Variants in KHK observed in about 807,000 individuals in gnomAD.
KHK encodes ketohexokinase.
Under a neutral mutation model 36.0 loss-of-function variants are expected in KHK, and 37 were observed. The ratio of observed to expected loss-of-function variants is 1.03; its 90% CI spans 0.79 to 1.35. KHK has a LOEUF of 1.35. Among genes scored for constraint, KHK ranks in the 40% most tolerant of loss-of-function variants. KHK has a pLI of 0.00. For synonymous variants in KHK, 161 were observed against 162.8 expected (o/e 0.99, Z 0.08); for missense variants, 395 against 391.9 (o/e 1.01, Z -0.07).
chr2:27,096,065 C>T (rs933696603), intron 3 of KHK, among the ~76,000 whole-genome samples: 2 of 152,200 alleles, frequency 1.3e-5, no homozygotes, highest in African/African-American at 4.8e-5. Context: ...CTCCCAAAGG[C>T]CCGGGCAGAT....
intron 3 of KHK, among the ~76,000 whole-genome samples, chr2:27,096,467 C>T (rs1670356494): frequency 6.6e-6 from 1 of 152,312 alleles, no homozygotes; most frequent in South Asian, 2.1e-4. Context: ...CCAAGGCACA[C>T]AGACCTTGCC....
At chr2:27,087,486 C>A in intron 1 of KHK, 135 bp downstream of exon 1, 1 of 602,730 alleles carries the variant, frequency 1.7e-6, no homozygotes, top group Non-Finnish European at 2.9e-6. Flanking sequence ...CGCCCTCTAC[C>A]CGGGAATCCT....
rs183829513 is a variant in KHK at position 27,094,750 on chromosome 2, C to A, written c.210-50C>A. 474 of 1,613,930 alleles carry A rather than the reference C, an allele frequency of 2.9e-4. No individual in the cohort carries two copies. In the African/African-American group the frequency reaches 5.5e-3, roughly 19 times the overall value. Reference sequence around the variant, plus strand: ...TTTGGAGGTCCAGACCACTTCCAGGCTCTAATCTGTGTCTCCTTGCCCTTT... The same window carrying A: ...TTTGGAGGTCCAGACCACTTCCAGGATCTAATCTGTGTCTCCTTGCCCTTT... On this transcript the variant is annotated intron_variant, in intron 2 of 7. Transcript: ENST00000260598.
chr2:27,097,023 G>A (rs1390848843), intron 4 of KHK, among the ~76,000 whole-genome samples: 1 of 152,230 alleles, frequency 6.6e-6, no homozygotes, highest in Admixed American at 6.5e-5. Context: ...AAGCACAGCT[G>A]GCTCCAGGCA....
At position 27,092,318 on chromosome 2, in the gene KHK, C is replaced by G; in HGVS notation, c.93-14C>G. 1 of 1,603,540 alleles carries G rather than the reference C, an allele frequency of 6.2e-7. No homozygotes were observed. Among genetic ancestry groups the G allele is most frequent in the Non-Finnish European group, 8.5e-7 (1 of 1,172,456 alleles). On this transcript the variant is annotated splice_polypyrimidine_tract_variant and intron_variant, in intron 1 of 7. Transcript: ENST00000260598. The stretch of plus-strand genomic sequence containing the variant: ...GCCTGCTGGGGCTGCAGGGACCCTC[C>G]CTGTGCTTTGCAGGTGTTTGTCCCA...
intron 5 of KHK, among the ~76,000 whole-genome samples, chr2:27,098,081 G>C (rs1164368279): frequency 1.3e-5 from 2 of 152,172 alleles, no homozygotes; most frequent in African/African-American, 4.8e-5. Context: ...GTGGGAAGGA[G>C]ACTTGCATGA....
chr2:27,092,408 T>A lies in KHK; in HGVS notation c.169T>A (p.Cys57Ser). 1 of 1,613,562 alleles carries A rather than the reference T, an allele frequency of 6.2e-7. No homozygotes were observed. Among genetic ancestry groups the A allele is most frequent in the Non-Finnish European group, 8.5e-7 (1 of 1,179,966 alleles). ...CGTTCTCTCCCTGCTCGGAGCCCCCTGTGCCTTCATGGGCTCAATGGCTCC... is the reference window on the plus strand; with the variant it reads ...CGTTCTCTCCCTGCTCGGAGCCCCCAGTGCCTTCATGGGCTCAATGGCTCC... ...CTVLSLLGAP[C>S]AFMGSMAPGH... The change falls in exon 2 of 8, where the codon TGT (cysteine) becomes AGT (serine). Residue 57 changes from cysteine (C) to serine (S), a missense_variant. Coordinates refer to ENST00000260598, the MANE Select transcript of KHK (RefSeq NM_006488.3).
intron 1 of KHK, among the ~76,000 whole-genome samples, chr2:27,088,732 C>G (rs543962839): frequency 6.6e-6 from 1 of 152,256 alleles, no homozygotes; most frequent in East Asian, 1.9e-4. Flanking sequence ...CTTATTGGTT[C>G]TTGTATTTCC....
chr2:27,098,724 A>T (rs1670569681), intron 5 of KHK, among the ~76,000 whole-genome samples: 1 of 152,210 alleles, frequency 6.6e-6, no homozygotes, highest in Non-Finnish European at 1.5e-5. Context: ...TAGAGGACAT[A>T]GTTGTGGGAA....
chr2:27,090,343 T>C (rs1426364266), intron 1 of KHK, among the ~76,000 whole-genome samples: 1 of 152,228 alleles, frequency 6.6e-6, no homozygotes, highest in Non-Finnish European at 1.5e-5. Context: ...CCTTAACTAT[T>C]GATCAAGTCA....
rs1196496690 is a variant in KHK at position 27,100,464 on chromosome 2, A to T, written c.*714A>T. 1.5e-6 allele frequency: 2 copies of T among 1,290,900 alleles called. No homozygotes were observed. The highest frequency in any genetic ancestry group is 1.0e-6 in the Non-Finnish European group (1 of 988,866). 80.0% of individuals were successfully genotyped at this position (1,290,900 alleles called of 1,614,324 possible). A position where few individuals can be genotyped will look rare whatever the true frequency, so the allele number is the denominator to read the frequency against. ...GCCACAAATGTGACCCAGGATACAG[A>T]GTGTTGCTGTCCTCAGGGAGGTCCG... On this transcript the variant is annotated 3_prime_UTR_variant, in exon 8 of 8. Transcript: ENST00000260598.
intron 1 of KHK, chr2:27,088,099 C>CTTTTTTT (rs1157197145): frequency 2.7e-5 from 2 of 74,586 alleles, no homozygotes; most frequent in South Asian, 4.6e-4. Flanking sequence ...GTTGTTGGTT[C>CTTTTTTT]TTTTTTTTTT....
intron 2 of KHK, chr2:27,094,519 C>A (rs1288854905): frequency 3.1e-6 from 5 of 1,614,094 alleles, no homozygotes; most frequent in Non-Finnish European, 4.2e-6. Flanking sequence ...TGGACCTACG[C>A]TACACAGTCT....
chr2:27,097,450 G>C (rs1423248959), intron 4 of KHK, 53 bp from the exon 5 acceptor site: 3 of 1,609,616 alleles, frequency 1.9e-6, no homozygotes, highest in Non-Finnish European at 2.5e-6. Context: ...GAAGAATGAG[G>C]CAGATTGGCC....
Position 27,100,150 on chromosome 2 carries a change from G to A in KHK, c.*400G>A. The stretch of plus-strand genomic sequence containing the variant: ...TTGCCACCAGCTCTGCCCTGGCTGG[G>A]GAGGACACTCGGTGCCCCACACCCA... On this transcript the variant is annotated 3_prime_UTR_variant, in exon 8 of 8. Transcript: ENST00000260598. 1.9e-6 allele frequency: 1 copy of A among 514,538 alleles called. No homozygotes were observed. 31.9% of individuals were successfully genotyped at this position (514,538 alleles called of 1,614,324 possible).
chr2:27,088,601 A>T (rs747295651), intron 1 of KHK, among the ~76,000 whole-genome samples: 1 of 151,574 alleles, frequency 6.6e-6, no homozygotes, highest in African/African-American at 2.4e-5. Flanking sequence ...TTTTGTAGAG[A>T]CAGGGCTTTT....
rs1280055433 is a variant in KHK at position 27,100,438 on chromosome 2, A to G, written c.*688A>G. 3.9e-6 allele frequency: 5 copies of G among 1,291,016 alleles called. No homozygotes were observed. Among genetic ancestry groups the G allele is most frequent in the Non-Finnish European group, 5.1e-6 (5 of 988,866 alleles). The allele number at this position is 1,291,016 out of a possible 1,614,324, so 80.0% of individuals were successfully genotyped here. The stretch of plus-strand genomic sequence containing the variant: ...CACCTTGGAATTAAGGGCGTGCCTC[A>G]GCCACAAATGTGACCCAGGATACAG... On this transcript the variant is annotated 3_prime_UTR_variant, in exon 8 of 8. Transcript: ENST00000260598.
intron 1 of KHK, among the ~76,000 whole-genome samples, chr2:27,091,795 G>A (rs1399092834): frequency 2.0e-5 from 3 of 152,302 alleles, no homozygotes; most frequent in East Asian, 3.9e-4. Context: ...CTTCTTAAAC[G>A]ACCAACGTCC....
Position 27,094,926 on chromosome 2 carries a change from C to T in KHK, c.336C>T (p.Leu112=). The change falls in exon 3 of 8, where the codon CTC becomes CTT. Residue 112 remains leucine, a synonymous_variant. Transcript: ENST00000260598. ...CCAATGGCAACCGTACCATTGTGCT[C>T]CATGACACGTAAGGCCCCCGGGCCT... ...NNSNGNRTIV[L]HDTSLPDVSA... is the part of the protein sequence containing the mutation. 2.5e-6 allele frequency: 4 copies of T among 1,613,950 alleles called. No homozygotes were observed. The highest frequency in any genetic ancestry group is 3.4e-6 in the Non-Finnish European group (4 of 1,180,044).
Sources: allele counts gnomAD v4.1 joint callset (sites outside exome capture counted in the v4.1 genomes callset), GRCh38; gene constraint gnomAD v4.1.1; transcripts MANE v1.5; gene names NCBI Gene and HGNC (gene_info 2026-07-23, HGNC 2026-07-21).